PARD3: variants seen among roughly 807,000 people sequenced by gnomAD.
PARD3 encodes the protein partitioning defective 3 homolog.
Under a neutral mutation model 155.4 loss-of-function variants are expected in PARD3, and 75 were observed. The ratio of observed to expected loss-of-function variants is 0.48; its 90% CI spans 0.40 to 0.58. The LOEUF is 0.58. Among genes scored for constraint, PARD3 ranks in the 20% least tolerant of loss-of-function variants. The pLI is 0.00. For missense variants in PARD3, 1,642 were observed against 1,721.7 expected, an observed-to-expected ratio of 0.95 and a Z score of 0.82; for synonymous variants, 576 against 610.5, an observed-to-expected ratio of 0.94 and a Z score of 0.83.
At chr10:34,622,574 T>C (rs780220845) in intron 2 of PARD3, among the ~76,000 whole-genome samples, 1 of 152,212 alleles carries the variant, frequency 6.6e-6, no homozygotes, top group African/African-American at 2.4e-5. Context: ...AATGAGTTTG[T>C]ATTTGTAAGC....
At chr10:34,317,982 C>T (rs1161954738) in intron 19 of PARD3, among the ~76,000 whole-genome samples, 1 of 152,188 alleles carries the variant, frequency 6.6e-6, no homozygotes, top group African/African-American at 2.4e-5. Flanking sequence ...CCTAAACAAT[C>T]TTGCATGCCT....
chr10:34,421,613 A>G (rs1341746727), intron 5 of PARD3, among the ~76,000 whole-genome samples: 4 of 152,184 alleles, frequency 2.6e-5, no homozygotes, highest in Non-Finnish European at 5.9e-5. Context: ...ATTAAACAAT[A>G]AATCTTATTT....
At chr10:34,375,217 G>A (rs1011967235) in intron 10 of PARD3, among the ~76,000 whole-genome samples, 2 of 152,122 alleles carry the variant, frequency 1.3e-5, no homozygotes, top group Non-Finnish European at 2.9e-5. Flanking sequence ...CTAGAAGAGA[G>A]GAAGTGGTCA....
At chr10:34,527,885 C>T in intron 2 of PARD3, among the ~76,000 whole-genome samples, 1 of 152,210 alleles carries the variant, frequency 6.6e-6, no homozygotes, top group East Asian at 1.9e-4. Flanking sequence ...TATTTCAACA[C>T]CTTCTACAAA....
intron 1 of PARD3, among the ~76,000 whole-genome samples, chr10:34,721,176 A>G (rs548186667): frequency 6.6e-6 from 1 of 152,316 alleles, no homozygotes; most frequent in South Asian, 2.1e-4. Context: ...TGACTCGGTT[A>G]TATATAAATC....
chr10:34,694,818 T>C (rs972126405), intron 2 of PARD3, among the ~76,000 whole-genome samples: 4 of 152,190 alleles, frequency 2.6e-5, no homozygotes, highest in Non-Finnish European at 4.4e-5. Context: ...TTTGTCTTAC[T>C]TGAAATTTCA....
At chr10:34,198,375 C>T (rs1023593772) in intron 22 of PARD3, among the ~76,000 whole-genome samples, 2 of 151,894 alleles carry the variant, frequency 1.3e-5, no homozygotes, top group African/African-American at 4.8e-5. Flanking sequence ...TCATATTTCA[C>T]TAAGTTCCAA....
At chr10:34,784,441 T>C (rs1588731502) in intron 1 of PARD3, among the ~76,000 whole-genome samples, 1 of 135,848 alleles carries the variant, frequency 7.4e-6, no homozygotes, top group East Asian at 2.1e-4. Flanking sequence ...TTTTCCAACA[T>C]ACTTTTTTTT....
rs750517312 is a variant in PARD3, at chr10:34,131,710, A to G, written c.3420-127T>C. On this transcript the variant is annotated intron_variant, in intron 22 of 24. Coordinates refer to ENST00000374788, the MANE Select transcript of PARD3 (RefSeq NM_001184785.2). The stretch of plus-strand genomic sequence containing the variant: ...TAAGAGAAAGTGAATTTTTAAAACA[A>G]TATGTGGGCATTTAAAATATGTTTT... 3.3e-4 allele frequency: 250 copies of G among 751,702 alleles called. 1 individual carries two copies. Among genetic ancestry groups the G allele is most frequent in the Non-Finnish European group, 5.0e-4 (225 of 452,272 alleles). The allele number at this position is 751,702 out of a possible 1,614,324, so 46.6% of individuals were successfully genotyped here.
intron 2 of PARD3, among the ~76,000 whole-genome samples, chr10:34,681,738 A>T (rs2093828939): frequency 3.4e-4 from 4 of 11,878 alleles, no homozygotes; most frequent in African/African-American, 7.7e-4. Context: ...TTTTATATAT[A>T]TATATATATA....
intron 2 of PARD3, among the ~76,000 whole-genome samples, chr10:34,688,410 T>A (rs563712952): frequency 6.6e-6 from 1 of 152,210 alleles, no homozygotes; most frequent in Admixed American, 6.5e-5. Context: ...ATCAGGAAAG[T>A]TCACGTACAC....
intron 7 of PARD3, among the ~76,000 whole-genome samples, chr10:34,396,122 G>A (rs574007116): frequency 5.9e-5 from 9 of 152,256 alleles, no homozygotes; most frequent in South Asian, 4.1e-4. Context: ...GGCTGAGGCC[G>A]GCGGATCACT....
chr10:34,646,987 A>G (rs926480219), intron 2 of PARD3, among the ~76,000 whole-genome samples: 1 of 152,256 alleles, frequency 6.6e-6, no homozygotes, highest in Non-Finnish European at 1.5e-5. Flanking sequence ...TGACATCAGA[A>G]CCATACAACT....
At chr10:34,210,226 T>C (rs1564484535) in intron 22 of PARD3, among the ~76,000 whole-genome samples, 1 of 140,688 alleles carries the variant, frequency 7.1e-6, no homozygotes, top group Non-Finnish European at 1.5e-5. Context: ...GTATTGTACA[T>C]GTATGTATGT....
rs115856438 is a variant in PARD3 at position 34,603,134 on chromosome 10, G to A, written c.223-85975C>T. ...CAGCTGTCAAAATTAACAGACATGA[G>A]GGAGTATACCAGAAAAATAAATGTG... On this transcript the variant is annotated intron_variant, in intron 2 of 24. Transcript: ENST00000374788. 1.4e-3 allele frequency among the ~76,000 whole-genome samples: 207 copies of A among 152,298 alleles called. 1 individual carries two copies. The highest frequency in any genetic ancestry group is 4.5e-3 in the African/African-American group (189 of 41,556).
intron 2 of PARD3, among the ~76,000 whole-genome samples, chr10:34,615,123 G>C (rs544051592): frequency 1.7e-4 from 26 of 152,292 alleles, no homozygotes; most frequent in South Asian, 1.4e-3. Flanking sequence ...GGAAATTGCA[G>C]TGAGCCGAGA....
At chr10:34,359,358 C>T (rs775521871) in intron 13 of PARD3, 41 bp from the exon 14 acceptor site, 1 of 1,427,558 alleles carries the variant, frequency 7.0e-7, no homozygotes, top group Admixed American at 2.0e-5. Flanking sequence ...ATTAAACAGA[C>T]TGCTATAAAA....
chr10:34,151,944 T>C (rs1337548965), intron 22 of PARD3, among the ~76,000 whole-genome samples: 13 of 152,088 alleles, frequency 8.5e-5, no homozygotes, highest in Admixed American at 7.2e-4. Context: ...TTCTATAAAA[T>C]ATACATATAT....
chr10:34,701,704 G>C (rs537559885), intron 1 of PARD3, among the ~76,000 whole-genome samples: 1 of 152,196 alleles, frequency 6.6e-6, no homozygotes, highest in East Asian at 1.9e-4. Context: ...AGACTAGTCT[G>C]GGGAACGTAG....
Sources: allele counts gnomAD v4.1 joint callset (sites outside exome capture counted in the v4.1 genomes callset), GRCh38; gene constraint gnomAD v4.1.1; transcripts MANE v1.5; gene names NCBI Gene and HGNC (gene_info 2026-07-23, HGNC 2026-07-21).